The following MYO5B variants were observed in gnomAD, a reference collection of about 807,000 sequenced individuals.
MYO5B encodes the protein myosin VB.
In MYO5B, 143 loss-of-function variants were observed where a neutral mutation model predicts 229.3. The observed-to-expected ratio is 0.62, with a 90% CI of 0.54 to 0.72. MYO5B has a LOEUF of 0.72. MYO5B is among the 30% of genes least tolerant of loss of function. MYO5B has a pLI of 0.00. For synonymous variants in MYO5B, 918 were observed against 885.2 expected (o/e 1.04, Z -0.66); for missense variants, 2,321 against 2,331.0 (o/e 1.00, Z 0.09).
At chr18:50,090,484 C>T (rs113557928) in intron 1 of MYO5B, among the ~76,000 whole-genome samples, 12 of 152,254 alleles carry the variant, frequency 7.9e-5, no homozygotes, top group African/African-American at 2.6e-4. Context: ...AGTATCCCTC[C>T]TTGAGTTGTC....
chr18:49,894,451 T>C (rs1490988047), intron 22 of MYO5B, among the ~76,000 whole-genome samples: 2 of 152,180 alleles, frequency 1.3e-5, no homozygotes, highest in African/African-American at 2.4e-5. Context: ...TTCTATTTCA[T>C]GGTGTAAGAA....
chr18:49,895,992 G>A (rs1402550370), intron 21 of MYO5B, among the ~76,000 whole-genome samples: 2 of 152,200 alleles, frequency 1.3e-5, no homozygotes, highest in African/African-American at 2.4e-5. Flanking sequence ...TCATCAAGCA[G>A]GCAACAATGG....
chr18:50,107,249 C>A (rs1273461197), intron 1 of MYO5B, among the ~76,000 whole-genome samples: 2 of 151,146 alleles, frequency 1.3e-5, no homozygotes, highest in Non-Finnish European at 2.9e-5. Flanking sequence ...GCCTCAGCCT[C>A]CCAAGTAGTT....
intron 18 of MYO5B, 44 bp downstream of exon 18, chr18:49,912,018 G>A (rs780537429): frequency 1.9e-4 from 276 of 1,484,584 alleles, no homozygotes; most frequent in Non-Finnish European, 2.5e-4. Flanking sequence ...CAATCTTTAG[G>A]GGACCTGGTC....
chr18:50,055,717 G>A (rs1277373481), intron 1 of MYO5B, among the ~76,000 whole-genome samples: 2 of 152,208 alleles, frequency 1.3e-5, no homozygotes, highest in African/African-American at 4.8e-5. Flanking sequence ...CAATGTCAGA[G>A]GGAGTTATTT....
chr18:50,121,162 T>C (rs893156585), intron 1 of MYO5B, among the ~76,000 whole-genome samples: 1 of 152,148 alleles, frequency 6.6e-6, no homozygotes, highest in African/African-American at 2.4e-5. Context: ...TCTCTTTCCT[T>C]CCCTCTGTGA....
At chr18:50,121,246 G>C (rs145065718) in intron 1 of MYO5B, among the ~76,000 whole-genome samples, 18 of 152,102 alleles carry the variant, frequency 1.2e-4, no homozygotes, top group African/African-American at 4.1e-4. Context: ...CAAAGCTTGC[G>C]TTATCTGTCC....
intron 14 of MYO5B, among the ~76,000 whole-genome samples, chr18:49,940,516 G>A (rs16951278): frequency 0.012 from 1,854 of 152,190 alleles, 13 homozygotes; most frequent in Non-Finnish European, 0.019. Flanking sequence ...ATTTCCATGG[G>A]GCTTCTTGCA....
chr18:49,864,300 C>A lies in MYO5B; in HGVS notation c.3684G>T (p.Thr1228=), dbSNP rs2024369218. ...ELRKAVADQA[T]QNNSSHGSPD... ...GGGAGCCGTGGCTGGAGTTATTCTG[C>A]GTGGCTTGGTCGGCCACGGCTTTCC... is the stretch of plus-strand genomic sequence containing the variant. Residue 1228 remains threonine (T), a synonymous_variant, in exon 28 of 40, where the codon ACG becomes ACT. Transcript: ENST00000285039. 1 of 1,614,046 alleles carries A rather than the reference C, an allele frequency of 6.2e-7. No individual in the cohort carries two copies. Among genetic ancestry groups the A allele is most frequent in the African/African-American group, 1.3e-5 (1 of 74,940 alleles).
At chr18:49,912,246 A>T in intron 17 of MYO5B, 73 bp from the exon 18 acceptor site, 1 of 1,102,440 alleles carries the variant, frequency 9.1e-7, no homozygotes, top group Non-Finnish European at 1.4e-6. Context: ...GCGTGACCTC[A>T]GACAGTTCCC....
chr18:49,873,725 A>C (rs2024484477), intron 26 of MYO5B, among the ~76,000 whole-genome samples: 1 of 152,180 alleles, frequency 6.6e-6, no homozygotes, highest in Non-Finnish European at 1.5e-5. Context: ...GGCTCTATTA[A>C]GATGGGCTGG....
At chr18:50,150,397 G>A (rs1481037813) in intron 1 of MYO5B, among the ~76,000 whole-genome samples, 308 of 142,420 alleles carry the variant, frequency 2.2e-3, no homozygotes, top group Admixed American at 8.2e-3. Context: ...TGTTTATTGC[G>A]GCACTATTCA....
rs150972739 is a variant in MYO5B at position 50,048,895 on chromosome 18, G to A, written c.138+6373C>T. Among the ~76,000 whole-genome samples, 635 of 152,090 alleles carry A rather than the reference G, an allele frequency of 4.2e-3. 1 individual carries two copies. The highest frequency in any genetic ancestry group is 0.02 in the Middle Eastern group (6 of 294). On this transcript the variant is annotated intron_variant, in intron 2 of 39. Coordinates refer to ENST00000285039, the MANE Select transcript of MYO5B (RefSeq NM_001080467.3). ...AAAATTAGCTGGCGTGGTGGCATAC[G>A]CTTGTAATCCCAGCTACTCAGGAGG...
intron 5 of MYO5B, among the ~76,000 whole-genome samples, chr18:50,000,175 G>C (rs1788126519): frequency 1.3e-5 from 2 of 152,218 alleles, no homozygotes; most frequent in South Asian, 4.1e-4. Flanking sequence ...ACTGGGGAAA[G>C]TCCAGGCAGG....
chr18:49,912,740 A>G (rs1437851567), intron 17 of MYO5B, among the ~76,000 whole-genome samples: 1 of 152,202 alleles, frequency 6.6e-6, no homozygotes, highest in African/African-American at 2.4e-5. Context: ...CTGTGAGTCC[A>G]TTAAAGCTCC....
chr18:49,963,909 C>G (rs1465736162), intron 10 of MYO5B, among the ~76,000 whole-genome samples: 3 of 152,078 alleles, frequency 2.0e-5, no homozygotes, highest in Non-Finnish European at 4.4e-5. Context: ...TCAGTCAGCC[C>G]CCTCGCAAGC....
At chr18:49,883,639 A>G (rs1224189029) in intron 22 of MYO5B, among the ~76,000 whole-genome samples, 1 of 152,224 alleles carries the variant, frequency 6.6e-6, no homozygotes, top group Non-Finnish European at 1.5e-5. Flanking sequence ...CCTTAAATTC[A>G]TATATAATAT....
chr18:50,025,626 C>T (rs1344995437), intron 4 of MYO5B, among the ~76,000 whole-genome samples: 1 of 152,224 alleles, frequency 6.6e-6, no homozygotes, highest in Admixed American at 6.5e-5. Context: ...CAAAGAGCTA[C>T]TAGACAGTGC....
At chr18:49,984,892 T>C (rs1356692612) in intron 7 of MYO5B, 67 bp from the exon 8 acceptor site, 22 of 1,169,698 alleles carry the variant, frequency 1.9e-5, no homozygotes, top group African/African-American at 1.1e-4. Flanking sequence ...TCGTGACCCA[T>C]GAAAATTCTA....
Sources: allele counts gnomAD v4.1 joint callset (sites outside exome capture counted in the v4.1 genomes callset), GRCh38; gene constraint gnomAD v4.1.1; transcripts MANE v1.5; gene names NCBI Gene and HGNC (gene_info 2026-07-23, HGNC 2026-07-21).